Variants in OSBPL10 observed in about 807,000 individuals in gnomAD.
OSBPL10 encodes the protein oxysterol-binding protein-related protein 10.
In OSBPL10, 49 loss-of-function variants were observed where a neutral mutation model predicts 81.7. The observed-to-expected ratio is 0.60, with a 90% CI of 0.48 to 0.76. The LOEUF (loss-of-function observed/expected upper bound fraction) is 0.76. Among genes scored for constraint, OSBPL10 ranks in the 30% least tolerant of loss-of-function variants. The probability of loss-of-function intolerance (pLI) is 0.00; values close to 1 mark genes in which losing one functional copy is unlikely to be tolerated. For synonymous variants in OSBPL10, 419 were observed against 383.6 expected (o/e 1.09, Z -1.08); for missense variants, 923 against 987.8 (o/e 0.93, Z 0.88).
intron 1 of OSBPL10, among the ~76,000 whole-genome samples, chr3:32,054,978 A>G (rs1360986166): frequency 2.6e-5 from 4 of 152,142 alleles, no homozygotes; most frequent in African/African-American, 9.7e-5. Flanking sequence ...CAGGTTTCTG[A>G]TAACTTTGGA....
At chr3:31,673,626 T>C (rs1700380782) in intron 8 of OSBPL10, among the ~76,000 whole-genome samples, 1 of 152,282 alleles carries the variant, frequency 6.6e-6, no homozygotes, top group South Asian at 2.1e-4. Flanking sequence ...CCCACAGCAC[T>C]AATGGGCTAC....
At chr3:31,967,853 A>G (rs1279312520) in intron 1 of OSBPL10, among the ~76,000 whole-genome samples, 1 of 152,224 alleles carries the variant, frequency 6.6e-6, no homozygotes, top group Non-Finnish European at 1.5e-5. Context: ...TCAAGAATGG[A>G]TGCTTCAGTG....
intron 4 of OSBPL10, among the ~76,000 whole-genome samples, chr3:31,818,010 G>A (rs1311449887): frequency 6.6e-6 from 1 of 152,188 alleles, no homozygotes; most frequent in African/African-American, 2.4e-5. Flanking sequence ...AGAGGCTGAG[G>A]TAGGAGGATG....
intron 1 of OSBPL10, among the ~76,000 whole-genome samples, chr3:31,924,308 G>A (rs1697006717): frequency 6.6e-6 from 1 of 152,108 alleles, no homozygotes; most frequent in Non-Finnish European, 1.5e-5. Context: ...AGGGACTCTG[G>A]AGTGGAAAAG....
At chr3:31,989,059 A>T in intron 2 of OSBPL10, 1 of 1,613,706 alleles carries the variant, frequency 6.2e-7, no homozygotes, top group Non-Finnish European at 8.5e-7. Context: ...ACACTGCAGC[A>T]CTATTGATTT....
At chr3:31,799,037 T>C (rs1699308720) in intron 4 of OSBPL10, among the ~76,000 whole-genome samples, 1 of 152,182 alleles carries the variant, frequency 6.6e-6, no homozygotes, top group Non-Finnish European at 1.5e-5. Context: ...TGCCGCCCAG[T>C]TCCTAACAGT....
intron 1 of OSBPL10, among the ~76,000 whole-genome samples, chr3:31,909,140 A>G (rs145247826): frequency 3.2e-4 from 49 of 152,358 alleles, no homozygotes; most frequent in African/African-American, 1.2e-3. Context: ...GTTAATGAGC[A>G]AAGTAAAGAA....
intron 2 of OSBPL10, among the ~76,000 whole-genome samples, chr3:32,006,411 G>A (rs1234305974): frequency 6.6e-6 from 1 of 152,060 alleles, no homozygotes; most frequent in African/African-American, 2.4e-5. Context: ...TGTCATCTTT[G>A]TCTACTATAT....
At chr3:31,705,392 C>T (rs1392048430) in intron 6 of OSBPL10, among the ~76,000 whole-genome samples, 4 of 139,210 alleles carry the variant, frequency 2.9e-5, no homozygotes, top group East Asian at 2.5e-4. Flanking sequence ...CCACCCCCAT[C>T]GCGGTCCAAC....
chr3:31,802,570 AAG>A (rs1425767598), intron 4 of OSBPL10, among the ~76,000 whole-genome samples: 4 of 149,958 alleles, frequency 2.7e-5, no homozygotes, highest in Non-Finnish European at 4.4e-5. Context: ...AAAAAAAAAA[AAG>A]AGAATTCTCT....
intron 4 of OSBPL10, among the ~76,000 whole-genome samples, chr3:31,796,663 A>AG (rs1699220543): frequency 6.6e-6 from 1 of 152,196 alleles, no homozygotes. Flanking sequence ...CTATTTTAGC[A>AG]GCATCCACGG....
At chr3:31,668,382 T>C (rs956913598) in intron 10 of OSBPL10, among the ~76,000 whole-genome samples, 1 of 152,194 alleles carries the variant, frequency 6.6e-6, no homozygotes, top group Non-Finnish European at 1.5e-5. Context: ...ATCAGATGAG[T>C]TGACAAACTT....
intron 10 of OSBPL10, among the ~76,000 whole-genome samples, chr3:31,665,339 C>A (rs1365856104): frequency 1.3e-5 from 2 of 152,228 alleles, no homozygotes; most frequent in Admixed American, 6.5e-5. Context: ...GAGATTCCCT[C>A]CCTGGCTTCT....
intron 2 of OSBPL10, among the ~76,000 whole-genome samples, chr3:32,027,093 A>G (rs1699422518): frequency 6.6e-6 from 1 of 152,100 alleles, no homozygotes; most frequent in African/African-American, 2.4e-5. Flanking sequence ...GGTTTGTTAC[A>G]TAGGTATACA....
chr3:31,842,109 C>T (rs961397616), intron 3 of OSBPL10, among the ~76,000 whole-genome samples: 10 of 152,138 alleles, frequency 6.6e-5, no homozygotes, highest in Non-Finnish European at 1.2e-4. Flanking sequence ...AGCAAGCCTA[C>T]GCTTGATGAA....
chr3:31,844,513 T>A (rs968020294), intron 3 of OSBPL10, among the ~76,000 whole-genome samples: 1 of 152,122 alleles, frequency 6.6e-6, no homozygotes, highest in African/African-American at 2.4e-5. Context: ...TTGTTGAAAC[T>A]CAAAAACATT....
intron 3 of OSBPL10, among the ~76,000 whole-genome samples, chr3:31,834,964 T>C (rs963940533): frequency 2.6e-5 from 4 of 152,178 alleles, no homozygotes; most frequent in Non-Finnish European, 5.9e-5. Context: ...TGGAGAATGA[T>C]ATGAGAAAAG....
intron 8 of OSBPL10, among the ~76,000 whole-genome samples, chr3:31,674,650 C>T (rs1385034607): frequency 1.3e-5 from 2 of 152,184 alleles, no homozygotes; most frequent in East Asian, 1.9e-4. Flanking sequence ...CGACACCTCC[C>T]CCACCTTGCT....
At chr3:31,915,431 A>G (rs1455966256) in intron 1 of OSBPL10, among the ~76,000 whole-genome samples, 1 of 152,202 alleles carries the variant, frequency 6.6e-6, no homozygotes, top group African/African-American at 2.4e-5. Context: ...CTACCCAGCC[A>G]TAAAAAAATA....
Sources: gnomAD v4.1 joint callset for allele counts (sites outside exome capture counted in the v4.1 genomes callset) on GRCh38, gnomAD v4.1.1 for gene constraint, MANE v1.5 for transcripts, NCBI Gene and HGNC (gene_info 2026-07-23, HGNC 2026-07-21) for gene names.